UBP1: variants seen among roughly 807,000 people sequenced by gnomAD.
The protein encoded by UBP1 is upstream-binding protein 1.
A neutral mutation model predicts 76.1 loss-of-function variants in UBP1; 22 were observed. The ratio of observed to expected loss-of-function variants is 0.29; its 90% CI spans 0.21 to 0.41. The LOEUF (loss-of-function observed/expected upper bound fraction) is 0.41, where lower values mean the gene tolerates loss of function less well. UBP1 is among the 10% of genes least tolerant of loss of function. UBP1 has a pLI of 1.00. For synonymous variants in UBP1, 224 were observed against 237.1 expected (o/e 0.94, Z 0.51); for missense variants, 436 against 668.1 (o/e 0.65, Z 3.83).
chr3:33,399,501 A>G (rs2044140289), intron 11 of UBP1, among the ~76,000 whole-genome samples: 1 of 152,228 alleles, frequency 6.6e-6, no homozygotes, highest in Non-Finnish European at 1.5e-5. Flanking sequence ...AACTACTGAT[A>G]AACACAACAA....
At chr3:33,433,116 A>G (rs2045141157) in intron 1 of UBP1, among the ~76,000 whole-genome samples, 1 of 151,404 alleles carries the variant, frequency 6.6e-6, no homozygotes, top group South Asian at 2.1e-4. Flanking sequence ...GCTGGAATGC[A>G]GTGGCGCGAT....
intron 15 of UBP1, 57 bp from the exon 16 acceptor site, chr3:33,390,425 T>C: frequency 6.3e-7 from 1 of 1,594,114 alleles, no homozygotes; most frequent in South Asian, 1.1e-5. Flanking sequence ...TTAAGCCTAT[T>C]AAATGGAAAA....
intron 2 of UBP1, among the ~76,000 whole-genome samples, chr3:33,425,300 A>G (rs1299407785): frequency 6.6e-6 from 1 of 152,140 alleles, no homozygotes; most frequent in African/African-American, 2.4e-5. Flanking sequence ...TATTGAAATC[A>G]CTGTCCCTAA....
intron 12 of UBP1, 92 bp downstream of exon 12, chr3:33,396,953 G>A: frequency 3.4e-6 from 4 of 1,191,774 alleles, no homozygotes; most frequent in East Asian, 4.9e-5. Context: ...AGGCACACAC[G>A]CCAACCTAGC....
Position 33,416,791 on chromosome 3 carries a change from A to C in UBP1, c.309T>G (p.Gly103=). Reference sequence around the variant, plus strand: ...ATTTTCCATTGATCTCAGGCATATCACCCATTTTCCGATTATCCAGCATCC... The same window carrying C: ...ATTTTCCATTGATCTCAGGCATATCCCCCATTTTCCGATTATCCAGCATCC... ...EIRMLDNRKM[G]DMPEINGKLV... is the part of the protein sequence containing the mutation. Residue 103 remains glycine (G), a synonymous_variant, in exon 3 of 16, where the codon GGT becomes GGG. Coordinates refer to ENST00000283629, the MANE Select transcript of UBP1 (RefSeq NM_014517.5). The C allele has an allele frequency of 6.2e-7, 1 of 1,613,624 alleles. No individual in the cohort carries two copies.
At chr3:33,404,934 C>A (rs2044376917) in intron 8 of UBP1, among the ~76,000 whole-genome samples, 1 of 152,112 alleles carries the variant, frequency 6.6e-6, no homozygotes, top group African/African-American at 2.4e-5. Flanking sequence ...ATTCAAGATG[C>A]ATTTCCAATA....
At chr3:33,399,953 C>T (rs528800095) in intron 11 of UBP1, among the ~76,000 whole-genome samples, 1 of 152,132 alleles carries the variant, frequency 6.6e-6, no homozygotes, top group East Asian at 1.9e-4. Flanking sequence ...AATGAGGTCA[C>T]GTAAGTCTGG....
At chr3:33,433,360 G>A (rs1265159082) in intron 1 of UBP1, among the ~76,000 whole-genome samples, 4 of 98,562 alleles carry the variant, frequency 4.1e-5, no homozygotes, top group Non-Finnish European at 5.3e-5. Context: ...CGCGCACCCA[G>A]CCTTTAAAAA....
intron 1 of UBP1, among the ~76,000 whole-genome samples, chr3:33,431,925 GAC>G (rs754965254): frequency 2.6e-5 from 4 of 152,128 alleles, no homozygotes; most frequent in Non-Finnish European, 5.9e-5. Context: ...CAGCAGGAAA[GAC>G]ATACTTGACA....
intron 1 of UBP1, among the ~76,000 whole-genome samples, chr3:33,437,726 T>C (rs112492823): frequency 7.2e-5 from 11 of 152,228 alleles, no homozygotes; most frequent in African/African-American, 2.2e-4. Flanking sequence ...TGGCCATTCA[T>C]AGGCACTCCA....
Position 33,425,629 on chromosome 3 carries a change from C to G in UBP1, c.226G>C (p.Val76Leu). 1 of 1,583,322 alleles carries G rather than the reference C, an allele frequency of 6.3e-7. No homozygotes were observed. The highest frequency in any genetic ancestry group is 8.6e-7 in the Non-Finnish European group (1 of 1,157,034). Residue 76 changes from valine to leucine, a missense_variant, in exon 2 of 16, where the codon GTA becomes CTA. Val to Leu is a conservative substitution (Grantham distance 32). Transcript: ENST00000283629. ...YVMCAATSPA[V>L]KLHDETLTYL... The stretch of plus-strand genomic sequence containing the variant: ...GTAAGCGTTTCATCATGCAGTTTTA[C>G]TGCTGGTGACGTTGCAGCACACATC...
rs767829927 is a variant in UBP1 at position 33,411,608 on chromosome 3, T to A, written c.528A>T (p.Pro176=). The change falls in exon 5 of 16, where the codon CCA becomes CCT. Residue 176 remains proline (P), a synonymous_variant. Transcript: ENST00000283629. The part of the protein sequence containing the change: ...QLNAVEFLWD[P]AKRTSAFIQV... ...GAATGAAAGCAGAGGTGCGTTTTGCTGGGTCCCACAGAAATTCAACCGCAT... is the reference window on the plus strand; with the variant it reads ...GAATGAAAGCAGAGGTGCGTTTTGCAGGGTCCCACAGAAATTCAACCGCAT... The A allele has an allele frequency of 6.2e-7, 1 of 1,614,200 alleles. No individual in the cohort carries two copies. Among genetic ancestry groups the A allele is most frequent in the South Asian group, 1.1e-5 (1 of 91,090 alleles).
intron 1 of UBP1, among the ~76,000 whole-genome samples, chr3:33,433,081 G>T (rs1275705021): frequency 6.7e-6 from 1 of 150,306 alleles, no homozygotes; most frequent in East Asian, 2.0e-4. Context: ...TTTTTTTTGA[G>T]ACGGAGTCTC....
chr3:33,399,332 T>C (rs116783914), intron 11 of UBP1, among the ~76,000 whole-genome samples: 233 of 152,352 alleles, frequency 1.5e-3, no homozygotes, highest in African/African-American at 4.9e-3. Context: ...AGGTTTCCTA[T>C]AGCACTACCT....
In UBP1 at chr3:33,407,990, T is replaced by C. The variant is rs139518828; in HGVS notation, c.927+700A>G. On this transcript the variant is annotated intron_variant, in intron 8 of 15. Coordinates refer to ENST00000283629, the MANE Select transcript of UBP1 (RefSeq NM_014517.5). Reference sequence around the variant, plus strand: ...TATACTTAACTGGACAAAGCACATATTCAACCAGATGCCCCCTGACTGCAT... The same window carrying C: ...TATACTTAACTGGACAAAGCACATACTCAACCAGATGCCCCCTGACTGCAT... 5.0e-3 allele frequency among the ~76,000 whole-genome samples: 762 copies of C among 152,326 alleles called. 7 individuals are homozygous for C. Among genetic ancestry groups the C allele is most frequent in the African/African-American group, 0.016 (673 of 41,558 alleles).
At chr3:33,406,257 A>C (rs992308131) in intron 8 of UBP1, among the ~76,000 whole-genome samples, 1 of 152,186 alleles carries the variant, frequency 6.6e-6, no homozygotes, top group African/African-American at 2.4e-5. Context: ...AAATAAATAA[A>C]TAACTAAAAA....
At chr3:33,395,542 C>T (rs2043943668) in intron 13 of UBP1, among the ~76,000 whole-genome samples, 1 of 151,880 alleles carries the variant, frequency 6.6e-6, no homozygotes, top group African/African-American at 2.4e-5. Context: ...ATTAAATGCT[C>T]AGGATGAGAA....
rs1192454914 is a variant in UBP1, at chr3:33,390,359, C to A, written c.1595G>T (p.Ser532Ile). 1 of 1,614,132 alleles carries A rather than the reference C, an allele frequency of 6.2e-7. No individual in the cohort carries two copies. The highest frequency in any genetic ancestry group is 8.5e-7 in the Non-Finnish European group (1 of 1,179,998). The change falls in exon 16 of 16, where the codon AGT (serine) becomes ATT (isoleucine). Residue 532 changes from serine to isoleucine, a missense_variant. Ser to Ile is a moderately radical substitution (Grantham distance 142). Around this residue, in one of 3 missense-constraint regions of UBP1, gnomAD observed 210 missense variants for 272.8 expected, o/e 0.77. Coordinates refer to ENST00000283629, the MANE Select transcript of UBP1 (RefSeq NM_014517.5). ...CTTCAAAATTATGTGGATGCCATCA[C>A]TACTTTCAGCTGCAGAAAAAGGAAA... ...FLFSTVKAES[S>I]DGIHIILK
At position 33,439,857 on chromosome 3, in the gene UBP1, C is replaced by T. The variant is rs1467791213; in HGVS notation, c.-9G>A. ...TTGAGCACCCAGGCCATCTTCCGGC[C>T]TCGCCGTCGCCCCGCACACCGCGGC... is the stretch of plus-strand genomic sequence containing the variant. On this transcript the variant is annotated 5_prime_UTR_variant, in exon 1 of 16. Coordinates refer to ENST00000283629, the MANE Select transcript of UBP1 (RefSeq NM_014517.5). 6.2e-7 allele frequency: 1 copy of T among 1,610,962 alleles called. No homozygotes were observed. The highest frequency in any genetic ancestry group is 8.5e-7 in the Non-Finnish European group (1 of 1,179,142).
Sources: allele counts gnomAD v4.1 joint callset (sites outside exome capture counted in the v4.1 genomes callset), GRCh38; gene constraint gnomAD v4.1.1; regional missense constraint gnomAD v4.1.1; transcripts MANE v1.5; gene names NCBI Gene and HGNC (gene_info 2026-07-23, HGNC 2026-07-21).